Variants in POLR1C observed in about 807,000 individuals in gnomAD.
The protein encoded by POLR1C is RNA polymerase I and III subunit C, also known as DNA-directed RNA polymerases I and III subunit RPAC1.
Under a neutral mutation model 38.3 loss-of-function variants are expected in POLR1C, and 42 were observed. The observed-to-expected ratio is 1.10, with a 90% confidence interval of 0.86 to 1.42. The LOEUF (loss-of-function observed/expected upper bound fraction) is 1.42, where lower values mean the gene tolerates loss of function less well. Ranked by LOEUF, POLR1C falls within the 40% of genes most tolerant of loss-of-function variation. POLR1C has a pLI of 0.00. For missense variants in POLR1C, 507 were observed against 450.5 expected (o/e 1.13, Z -1.14); for synonymous variants, 163 against 163.9 (o/e 0.99, Z 0.04).
intron 9 of POLR1C, among the ~76,000 whole-genome samples, chr6:43,534,725 C>T (rs913453141): frequency 8.5e-5 from 13 of 152,136 alleles, no homozygotes; most frequent in Non-Finnish European, 4.4e-5. Context: ...AGGCTGGGCT[C>T]GGTGGCTCAC....
intron 8 of POLR1C, chr6:43,526,600 G>A: frequency 1.3e-6 from 2 of 1,492,016 alleles, no homozygotes; most frequent in Non-Finnish European, 9.2e-7. Flanking sequence ...CTCCTCACCA[G>A]ACTGCAAGGA....
At chr6:43,550,080 G>A (rs867839101) in intron 9 of POLR1C, 5 of 780,472 alleles carry the variant, frequency 6.4e-6, no homozygotes, top group South Asian at 1.7e-5. Flanking sequence ...ACGGGCATGA[G>A]CTTATTCATA....
At chr6:43,558,822 T>C (rs1396036635) in intron 10 of POLR1C, 1 of 411,652 alleles carries the variant, frequency 2.4e-6, no homozygotes, top group Non-Finnish European at 4.3e-6. Flanking sequence ...ATCCTCCAAG[T>C]TCCTCAGGGA....
In POLR1C at chr6:43,556,189, A is replaced by G. The variant is rs1582232450; in HGVS notation, c.*48+5178A>G. The G allele has an allele frequency of 1.3e-5, 6 of 473,958 alleles. No homozygotes were observed. The East Asian group carries it at 2.3e-4, about 18-fold the overall frequency. The allele number at this position is 473,958 out of a possible 1,614,324, so 29.4% of individuals were successfully genotyped here. A position where few individuals can be genotyped will look rare whatever the true frequency, so the allele number is the denominator to read the frequency against. ...ACTGTATTACCAGCTAGATCCTGTA[A>G]GTGGCAAACTAAACTTAGTCTCCCA... On this transcript the variant is annotated intron_variant, in intron 10 of 10. Transcript: ENST00000607635.
chr6:43,548,137 C>A, intron 9 of POLR1C: 1 of 996,836 alleles, frequency 1.0e-6, no homozygotes, highest in East Asian at 2.5e-5. Context: ...TAGAGAACTT[C>A]AGATATCATG....
In POLR1C at chr6:43,521,336, T is replaced by A. The variant is rs1793177539; in HGVS notation, c.*36T>A. 1 of 1,611,568 alleles carries A rather than the reference T, an allele frequency of 6.2e-7. No individual in the cohort carries two copies. The highest frequency in any genetic ancestry group is 1.3e-5 in the African/African-American group (1 of 74,820). On this transcript the variant is annotated 3_prime_UTR_variant, in exon 9 of 9. Coordinates refer to ENST00000642195, the MANE Select transcript of POLR1C (RefSeq NM_203290.4). ...TTCTGAGGCAAGCTGAAGCTTTGGG[T>A]TCTGACTGACCCACCCTACAGGACT...
chr6:43,521,169 C>A lies in POLR1C; in HGVS notation c.923-13C>A. 1.2e-6 allele frequency: 2 copies of A among 1,614,004 alleles called. No individual in the cohort carries two copies. Among genetic ancestry groups the A allele is most frequent in the South Asian group, 1.1e-5 (1 of 91,072 alleles). ...AAGCCCTGCCTAGACTAAAGTGTCT[C>A]TTTGGTCCCCAGTCTCTGTTGAGTC... On this transcript the variant is annotated splice_polypyrimidine_tract_variant and intron_variant, in intron 8 of 8. Coordinates refer to ENST00000642195, the MANE Select transcript of POLR1C (RefSeq NM_203290.4).
intron 8 of POLR1C, chr6:43,526,951 T>C (rs1793635863): frequency 3.6e-6 from 2 of 560,896 alleles, no homozygotes; most frequent in Non-Finnish European, 6.5e-6. Context: ...CAAGTTCAAC[T>C]AGCTGAGAGA....
intron 9 of POLR1C, among the ~76,000 whole-genome samples, chr6:43,541,663 A>AC (rs1380217716): frequency 6.6e-6 from 1 of 152,260 alleles, no homozygotes; most frequent in Non-Finnish European, 1.5e-5. Context: ...ATGAAATCAT[A>AC]CAACATATGG....
chr6:43,525,932 A>G (rs756621636), downstream of POLR1C: 1 of 1,613,744 alleles, frequency 6.2e-7, no homozygotes, highest in Non-Finnish European at 8.5e-7. Context: ...CTGTTATCAG[A>G]GAGTAGAATG....
intron 10 of POLR1C, chr6:43,561,097 C>A (rs1762391794): frequency 1.0e-5 from 11 of 1,101,886 alleles, no homozygotes; most frequent in Middle Eastern, 2.0e-4. Flanking sequence ...ATAAATTAAA[C>A]CCTCAAAAAA....
chr6:43,546,837 G>C, intron 9 of POLR1C: 1 of 1,323,010 alleles, frequency 7.6e-7, no homozygotes, highest in Non-Finnish European at 1.0e-6. Context: ...CAAGGTTCTG[G>C]CAAAAGTGAC....
At chr6:43,535,025 G>C (rs1561868352) in intron 9 of POLR1C, among the ~76,000 whole-genome samples, 1 of 151,118 alleles carries the variant, frequency 6.6e-6, no homozygotes, top group Non-Finnish European at 1.5e-5. Flanking sequence ...AGGCGCAGTG[G>C]CTCATGCCTG....
At chr6:43,531,402 A>T, downstream of POLR1C, 1 of 1,383,208 alleles carries the variant, frequency 7.2e-7, no homozygotes, top group South Asian at 1.2e-5. Flanking sequence ...ACACTAGATG[A>T]AAAGTCCAAC....
chr6:43,534,275 T>C (rs1313299378), downstream of POLR1C, among the ~76,000 whole-genome samples: 3 of 152,200 alleles, frequency 2.0e-5, no homozygotes, highest in Admixed American at 6.5e-5. Flanking sequence ...AGTCCAAAGC[T>C]AGAAAGCAAA....
chr6:43,541,643 T>G (rs147161152), intron 9 of POLR1C, among the ~76,000 whole-genome samples: 1 of 147,010 alleles, frequency 6.8e-6, no homozygotes, highest in East Asian at 1.9e-4. Flanking sequence ...TCTCTAGATA[T>G]TTCATAAAAA....
Position 43,528,854 on chromosome 6 carries a change from C to T in POLR1C, c.923-395C>T, listed in dbSNP as rs370480839. ...ATATGGAGGTAGGTGAAAAGAGGTCCGAGGATGGGGGATACCAGGGCTTCA... is the reference window on the plus strand; with the variant it reads ...ATATGGAGGTAGGTGAAAAGAGGTCTGAGGATGGGGGATACCAGGGCTTCA... On this transcript the variant is annotated intron_variant, in intron 8 of 8. Coordinates refer to the POLR1C transcript ENST00000304004. 16 of 1,613,676 alleles carry T rather than the reference C, an allele frequency of 9.9e-6. No individual in the cohort carries two copies. Among genetic ancestry groups the T allele is most frequent in the African/African-American group, 1.3e-5 (1 of 74,884 alleles).
chr6:43,553,117 C>A (rs1285292757), intron 10 of POLR1C, among the ~76,000 whole-genome samples: 1 of 152,098 alleles, frequency 6.6e-6, no homozygotes, highest in Non-Finnish European at 1.5e-5. Context: ...AGTTTGAGAT[C>A]AGCCTGGGCA....
intron 2 of POLR1C, among the ~76,000 whole-genome samples, chr6:43,518,175 C>A (rs1387561809): frequency 6.6e-6 from 1 of 152,062 alleles, no homozygotes; most frequent in East Asian, 1.9e-4. Flanking sequence ...AGATTTGCAA[C>A]CTTGGTGGCT....
Sources: gnomAD v4.1 joint callset for allele counts (sites outside exome capture counted in the v4.1 genomes callset) on GRCh38, gnomAD v4.1.1 for gene constraint, MANE v1.5 for transcripts, NCBI Gene and HGNC (gene_info 2026-07-23, HGNC 2026-07-21) for gene names.